The following SRGAP2C variants were observed in gnomAD, a reference collection of about 807,000 sequenced individuals.
SRGAP2C encodes the protein SLIT-ROBO Rho GTPase activating protein 2C, also known as SLIT-ROBO Rho GTPase-activating protein 2C.
Under a neutral mutation model 25.1 loss-of-function variants are expected in SRGAP2C, and 15 were observed. That is an observed-to-expected ratio of 0.60 (90% CI 0.40 to 0.92). The LOEUF is 0.92. Among genes scored for constraint, SRGAP2C ranks in the 40% least tolerant of loss-of-function variants. The pLI is 0.00. For missense variants in SRGAP2C, 144 were observed against 264.4 expected (o/e 0.54, Z 3.16); for synonymous variants, 44 against 96.6 (o/e 0.46, Z 3.19).
chr1:121,266,016 C>A (rs1377958584), intron 2 of SRGAP2C, among the ~76,000 whole-genome samples: 1 of 151,830 alleles, frequency 6.6e-6, no homozygotes, highest in African/African-American at 2.4e-5. Flanking sequence ...CACTCTGTTG[C>A]CCAGGCTGGA....
rs1350213619 is a variant in SRGAP2C, at chr1:121,353,549, TC to T, written c.424-11743del. On this transcript the variant is annotated intron_variant, in intron 4 of 9. Transcript: ENST00000367123. ...GACAACAATGAAATCAACAATAGAA[TC>T]TGTGTCTGGGTGGGGGTAGGGAAAT... Among the ~76,000 whole-genome samples the T allele has an allele frequency of 4.5e-5, 4 of 88,904 alleles. 1 individual carries two copies. The highest frequency in any genetic ancestry group is 3.6e-4 in the Admixed American group (3 of 8,316). 58.3% of individuals were successfully genotyped at this position (88,904 alleles called of 152,430 possible).
intron 4 of SRGAP2C, among the ~76,000 whole-genome samples, chr1:121,356,592 G>T (rs1659069683): frequency 1.3e-5 from 2 of 151,514 alleles, no homozygotes; most frequent in South Asian, 4.2e-4. Context: ...TCTACTCAAG[G>T]ATACCCACAG....
intron 3 of SRGAP2C, among the ~76,000 whole-genome samples, chr1:121,287,907 G>C (rs1657410681): frequency 3.3e-5 from 5 of 151,824 alleles, no homozygotes; most frequent in Admixed American, 2.0e-4. Context: ...TGGTCTCGCT[G>C]GGCTCAGGAG....
At chr1:121,384,886 A>T (rs1280108656) in intron 8 of SRGAP2C, among the ~76,000 whole-genome samples, 1 of 152,220 alleles carries the variant, frequency 6.6e-6, no homozygotes, top group Non-Finnish European at 1.5e-5. Context: ...TTTTCCCTCC[A>T]TGATTCCTCT....
intron 2 of SRGAP2C, among the ~76,000 whole-genome samples, chr1:121,262,469 AC>A: frequency 1.8e-5 from 1 of 55,780 alleles, no homozygotes; most frequent in South Asian, 4.3e-4. Flanking sequence ...GCCTTAGCTG[AC>A]CCAGGATCTA....
At chr1:121,204,198 T>G (rs1655059892) in intron 2 of SRGAP2C, among the ~76,000 whole-genome samples, 2 of 150,060 alleles carry the variant, frequency 1.3e-5, no homozygotes, top group South Asian at 4.3e-4. Flanking sequence ...ATGGCAAGAT[T>G]GTACATTAGA....
chr1:121,312,796 G>C (rs1344337127), intron 3 of SRGAP2C, among the ~76,000 whole-genome samples: 1 of 19,884 alleles, frequency 5.0e-5, no homozygotes, highest in Non-Finnish European at 9.5e-5. Context: ...GAGATAGTTT[G>C]TTATAATTTC....
chr1:121,237,941 G>C lies in SRGAP2C; in HGVS notation c.68-46862G>C, dbSNP rs373448410. Among the ~76,000 whole-genome samples, 90 of 108,126 alleles carry C rather than the reference G, an allele frequency of 8.3e-4. No individual in the cohort carries two copies. The East Asian group carries it at 0.02, about 24-fold the overall frequency. 70.9% of individuals were successfully genotyped at this position (108,126 alleles called of 152,430 possible). On this transcript the variant is annotated intron_variant, in intron 2 of 9. Coordinates refer to ENST00000367123, the MANE Select transcript of SRGAP2C (RefSeq NM_001329984.2). ...GTCCCTGAACCTCTTAGGTTATTTT[G>C]TACAGCAAAAGAACCAGCATTGGGT...
chr1:121,278,991 G>A (rs1365805868), intron 2 of SRGAP2C, among the ~76,000 whole-genome samples: 2 of 152,172 alleles, frequency 1.3e-5, no homozygotes, highest in African/African-American at 2.4e-5. Context: ...TTCCTGAGAT[G>A]GCTGAGGTGA....
intron 2 of SRGAP2C, among the ~76,000 whole-genome samples, chr1:121,268,192 G>A (rs1283596295): frequency 2.0e-5 from 3 of 151,008 alleles, no homozygotes; most frequent in South Asian, 4.2e-4. Flanking sequence ...AGAGAGTGTC[G>A]GGGCACTTTC....
intron 3 of SRGAP2C, among the ~76,000 whole-genome samples, chr1:121,314,134 C>T (rs1382070186): frequency 2.2e-5 from 2 of 90,336 alleles, no homozygotes; most frequent in Non-Finnish European, 4.6e-5. Context: ...TCTTTTTATT[C>T]TTTTTTCTCT....
chr1:121,202,042 G>T (rs1215265624), intron 2 of SRGAP2C, among the ~76,000 whole-genome samples: 1 of 152,202 alleles, frequency 6.6e-6, no homozygotes, highest in Non-Finnish European at 1.5e-5. Context: ...AGGGCTGTCA[G>T]CTAACCTTTA....
intron 2 of SRGAP2C, among the ~76,000 whole-genome samples, chr1:121,204,517 C>CA (rs1235985766): frequency 6.6e-6 from 1 of 151,518 alleles, no homozygotes; most frequent in East Asian, 2.0e-4. Context: ...ACCTTGGCCT[C>CA]CCAAAGTGCT....
intron 3 of SRGAP2C, among the ~76,000 whole-genome samples, chr1:121,302,296 G>A (rs1415106465): frequency 6.6e-6 from 1 of 152,068 alleles, no homozygotes; most frequent in Non-Finnish European, 1.5e-5. Context: ...TTTTTCTCCA[G>A]AATGCAATCT....
At chr1:121,347,477 G>A (rs1295769821) in intron 4 of SRGAP2C, among the ~76,000 whole-genome samples, 1 of 146,424 alleles carries the variant, frequency 6.8e-6, no homozygotes, top group East Asian at 2.0e-4. Flanking sequence ...AGAATATTTA[G>A]GGTTAACTAA....
intron 2 of SRGAP2C, among the ~76,000 whole-genome samples, chr1:121,239,177 ACTATATAT>A (rs1453556842): frequency 7.5e-5 from 1 of 13,322 alleles, no homozygotes; most frequent in Non-Finnish European, 1.2e-4. Context: ...AGGAAAGCAG[ACTATATAT>A]ATATATATAT....
At chr1:121,198,207 CA>C (rs1315815224) in intron 2 of SRGAP2C, among the ~76,000 whole-genome samples, 3 of 125,036 alleles carry the variant, frequency 2.4e-5, no homozygotes, top group Non-Finnish European at 5.0e-5. Context: ...GAAGGAAAAA[CA>C]GTTGGGACAT....
intron 2 of SRGAP2C, among the ~76,000 whole-genome samples, chr1:121,226,029 C>T (rs1329796672): frequency 6.6e-6 from 1 of 151,968 alleles, no homozygotes; most frequent in East Asian, 1.9e-4. Flanking sequence ...TAATTAGAAC[C>T]CAACATGAGA....
chr1:121,310,630 G>T (rs1275564920), intron 3 of SRGAP2C, among the ~76,000 whole-genome samples: 1 of 71,508 alleles, frequency 1.4e-5, no homozygotes, highest in Non-Finnish European at 2.8e-5. Context: ...TCCAGTTTCA[G>T]CTTTCTACAT....
Sources: gnomAD v4.1 joint callset for allele counts (sites outside exome capture counted in the v4.1 genomes callset) on GRCh38, gnomAD v4.1.1 for gene constraint, MANE v1.5 for transcripts, NCBI Gene and HGNC (gene_info 2026-07-23, HGNC 2026-07-21) for gene names.